FBXL20: variants seen among roughly 807,000 people sequenced by gnomAD.
FBXL20 encodes F-box/LRR-repeat protein 20.
FBXL20 carries 11 observed loss-of-function variants against 64.0 expected under a neutral mutation model. That is an observed-to-expected ratio of 0.17 (90% confidence interval 0.11 to 0.28). The LOEUF is 0.28. Ranked by LOEUF, FBXL20 falls within the 10% of genes least tolerant of loss-of-function variation. The pLI is 1.00. For synonymous variants in FBXL20, 184 were observed against 189.0 expected (o/e 0.97, Z 0.22); for missense variants, 303 against 526.2 (o/e 0.58, Z 4.15).
chr17:39,267,892 C>A (rs1040929759), intron 12 of FBXL20, among the ~76,000 whole-genome samples: 1 of 152,110 alleles, frequency 6.6e-6, no homozygotes, highest in African/African-American at 2.4e-5. Context: ...TTAGTAAGAA[C>A]TAACAGCTGT....
At chr17:39,399,150 G>A (rs8076546) in intron 1 of FBXL20, among the ~76,000 whole-genome samples, 59,507 of 151,940 alleles carry the variant, frequency 0.39, 15,298 homozygotes, top group African/African-American at 0.73. Flanking sequence ...TAAACCTTAC[G>A]TAGCCACAAT....
chr17:39,263,640 T>A (rs1193206730), intron 14 of FBXL20, among the ~76,000 whole-genome samples: 1 of 152,020 alleles, frequency 6.6e-6, no homozygotes, highest in Non-Finnish European at 1.5e-5. Context: ...TGCAGTGTGC[T>A]AACAAGGTGC....
intron 1 of FBXL20, among the ~76,000 whole-genome samples, chr17:39,353,015 G>A (rs1407918993): frequency 6.6e-6 from 1 of 152,086 alleles, no homozygotes; most frequent in African/African-American, 2.4e-5. Context: ...CAATTCTGCT[G>A]CTTAGAATAG....
At chr17:39,400,629 G>A (rs981708590) in intron 1 of FBXL20, among the ~76,000 whole-genome samples, 1 of 152,104 alleles carries the variant, frequency 6.6e-6, no homozygotes, top group Admixed American at 6.6e-5. Flanking sequence ...ACTCTCTAAA[G>A]ACGCTTTCAA....
intron 1 of FBXL20, among the ~76,000 whole-genome samples, chr17:39,389,911 C>T (rs2048119231): frequency 1.3e-5 from 2 of 152,112 alleles, no homozygotes; most frequent in South Asian, 4.1e-4. Context: ...GGAAGAATGA[C>T]CCATTTCTGG....
At chr17:39,338,292 T>G (rs9912212) in intron 2 of FBXL20, among the ~76,000 whole-genome samples, 32,145 of 151,844 alleles carry the variant, frequency 0.21, 3,775 homozygotes, top group African/African-American at 0.32. Flanking sequence ...GTTAAATGGA[T>G]TAAGGGTGGT....
chr17:39,351,837 AG>A (rs1181136951), intron 1 of FBXL20, among the ~76,000 whole-genome samples: 2 of 152,190 alleles, frequency 1.3e-5, no homozygotes, highest in African/African-American at 2.4e-5. Flanking sequence ...CATGACTTCT[AG>A]GGGTAGAATG....
chr17:39,315,393 T>TTA (rs59563317), intron 2 of FBXL20, among the ~76,000 whole-genome samples: 3,316 of 134,482 alleles, frequency 0.025, 82 homozygotes, highest in South Asian at 0.058. Flanking sequence ...TTTAAATAAT[T>TTA]TATATATATA....
intron 3 of FBXL20, among the ~76,000 whole-genome samples, chr17:39,301,700 C>T (rs1167209776): frequency 6.6e-6 from 1 of 151,176 alleles, no homozygotes; most frequent in Non-Finnish European, 1.5e-5. Context: ...TGCACTCCAG[C>T]CTGGGCGACA....
chr17:39,304,626 C>T (rs1401661012), intron 2 of FBXL20, among the ~76,000 whole-genome samples: 2 of 152,062 alleles, frequency 1.3e-5, no homozygotes, highest in Non-Finnish European at 2.9e-5. Context: ...GGTCTTGCTC[C>T]TGTCACCCAG....
chr17:39,401,148 G>A (rs2048238205), intron 1 of FBXL20, among the ~76,000 whole-genome samples: 1 of 152,188 alleles, frequency 6.6e-6, no homozygotes, highest in Non-Finnish European at 1.5e-5. Flanking sequence ...GCCCGCTGGT[G>A]GGAAGAGACG....
chr17:39,395,382 C>T (rs2048173310), intron 1 of FBXL20, among the ~76,000 whole-genome samples: 1 of 152,186 alleles, frequency 6.6e-6, no homozygotes, highest in African/African-American at 2.4e-5. Flanking sequence ...CAAGATCATG[C>T]CACTGCACTC....
chr17:39,348,559 T>C (rs987279179), intron 1 of FBXL20, among the ~76,000 whole-genome samples: 2 of 152,190 alleles, frequency 1.3e-5, no homozygotes, highest in African/African-American at 4.8e-5. Context: ...TCCAAAGTGT[T>C]GGGATTACAT....
intron 9 of FBXL20, among the ~76,000 whole-genome samples, chr17:39,277,679 A>C (rs1322839856): frequency 1.3e-5 from 2 of 149,090 alleles, no homozygotes; most frequent in Non-Finnish European, 3.0e-5. Context: ...GCTTGAACCC[A>C]GGAGGCAGAG....
At chr17:39,276,036 C>T (rs113782552) in intron 9 of FBXL20, among the ~76,000 whole-genome samples, 6 of 150,998 alleles carry the variant, frequency 4.0e-5, no homozygotes, top group African/African-American at 1.5e-4. Context: ...CACCTGAGGT[C>T]GGGAGTTCGA....
rs949547615 is a variant in FBXL20 at position 39,253,242 on chromosome 17, C to G, written c.*8218G>C. 1 of 152,366 alleles carries G rather than the reference C, an allele frequency of 6.6e-6. No homozygotes were observed. The highest frequency in any genetic ancestry group is 6.6e-5 in the Admixed American group (1 of 15,262). 9.4% of individuals were successfully genotyped at this position (152,366 alleles called of 1,614,324 possible). ...GTCTGACAGGCATGGGTAGTCCTCA[C>G]AGTTCTCTGAGCTCTGCACAGGCCA... On this transcript the variant is annotated 3_prime_UTR_variant, in exon 15 of 15. Transcript: ENST00000264658.
At chr17:39,261,637 A>T in intron 14 of FBXL20, 70 bp from the exon 15 acceptor site, 1 of 1,167,258 alleles carries the variant, frequency 8.6e-7, no homozygotes, top group Admixed American at 2.0e-5. Flanking sequence ...TGGTTCTTAG[A>T]AAAACTACCG....
chr17:39,376,848 A>C (rs2047971931), intron 1 of FBXL20, among the ~76,000 whole-genome samples: 1 of 152,060 alleles, frequency 6.6e-6, no homozygotes, highest in Non-Finnish European at 1.5e-5. Context: ...AAAAATAGGA[A>C]GGTGAGCCGG....
At chr17:39,364,709 T>C (rs185047717) in intron 1 of FBXL20, among the ~76,000 whole-genome samples, 1 of 152,348 alleles carries the variant, frequency 6.6e-6, no homozygotes, top group African/African-American at 2.4e-5. Context: ...GACAGACTCC[T>C]GCAGCCATCT....
Sources: gnomAD v4.1 joint callset for allele counts (sites outside exome capture counted in the v4.1 genomes callset) on GRCh38, gnomAD v4.1.1 for gene constraint, MANE v1.5 for transcripts, NCBI Gene and HGNC (gene_info 2026-07-23, HGNC 2026-07-21) for gene names.